TRAPPC9: variants seen among roughly 807,000 people sequenced by gnomAD.
TRAPPC9 encodes IKK2 binding protein.
In TRAPPC9, 83 loss-of-function variants were observed where a neutral mutation model predicts 124.0. That is an observed-to-expected ratio of 0.67 (90% CI 0.56 to 0.80). The LOEUF (loss-of-function observed/expected upper bound fraction) is 0.80. Ranked by LOEUF, TRAPPC9 falls within the 30% of genes least tolerant of loss-of-function variation. The pLI, the probability that TRAPPC9 is intolerant of heterozygous loss-of-function variation, is 0.00. For missense variants in TRAPPC9, 1,302 were observed against 1,508.3 expected (o/e 0.86, Z 2.27); for synonymous variants, 638 against 617.5 (o/e 1.03, Z -0.49).
Position 140,404,905 on chromosome 8 carries a change from CAT to C in TRAPPC9, c.1008+670_1008+671del, listed in dbSNP as rs1564002430. 3.4e-4 allele frequency among the ~76,000 whole-genome samples: 20 copies of C among 58,788 alleles called. No homozygotes were observed. The East Asian group carries it at 5.6e-3, about 17-fold the overall frequency. The allele number at this position is 58,788 out of a possible 152,430, so 38.6% of individuals were successfully genotyped here. A position where few individuals can be genotyped will look rare whatever the true frequency, so the allele number is the denominator to read the frequency against. ...GTGCATGTGTGCACGTGTGTGTGAG[CAT>C]GCGTGTGTGTGTGTGTGTGTGTGTG... is the stretch of plus-strand genomic sequence containing the variant. On this transcript the variant is annotated intron_variant, in intron 6 of 22. Coordinates refer to ENST00000438773, the MANE Select transcript of TRAPPC9 (RefSeq NM_001160372.4).
intron 4 of TRAPPC9, among the ~76,000 whole-genome samples, chr8:140,427,061 G>A (rs2070449772): frequency 6.6e-6 from 1 of 151,120 alleles, no homozygotes; most frequent in Non-Finnish European, 1.5e-5. Flanking sequence ...AAGTAGCTGG[G>A]ACTACAGGCG....
intron 17 of TRAPPC9, among the ~76,000 whole-genome samples, chr8:140,060,403 C>A (rs1842532200): frequency 6.6e-6 from 1 of 152,206 alleles, no homozygotes. Flanking sequence ...GTGGTGACCC[C>A]CAGAAGACTC....
At chr8:139,751,475 A>T (rs1024852822) in intron 21 of TRAPPC9, among the ~76,000 whole-genome samples, 6 of 151,994 alleles carry the variant, frequency 3.9e-5, no homozygotes, top group Non-Finnish European at 5.9e-5. Flanking sequence ...TGCTTCCAAT[A>T]CTAGCTTGTG....
chr8:140,448,234 T>C (rs1391921272), intron 2 of TRAPPC9, among the ~76,000 whole-genome samples: 1 of 152,114 alleles, frequency 6.6e-6, no homozygotes, highest in Non-Finnish European at 1.5e-5. Context: ...TGTATTTGAT[T>C]TGAGTTCACT....
intron 17 of TRAPPC9, among the ~76,000 whole-genome samples, chr8:140,093,496 A>G (rs532529852): frequency 3.3e-5 from 5 of 152,198 alleles, no homozygotes; most frequent in African/African-American, 9.6e-5. Flanking sequence ...GGTGAACCCC[A>G]TCTCTACCAA....
intron 6 of TRAPPC9, among the ~76,000 whole-genome samples, chr8:140,400,209 C>T (rs1336886786): frequency 1.3e-5 from 2 of 152,208 alleles, no homozygotes; most frequent in African/African-American, 2.4e-5. Flanking sequence ...TGGACTAATA[C>T]ACCTCCCCAC....
intron 21 of TRAPPC9, among the ~76,000 whole-genome samples, chr8:139,794,644 G>C (rs543849800): frequency 4.3e-4 from 65 of 152,304 alleles, no homozygotes; most frequent in African/African-American, 1.5e-3. Flanking sequence ...CCATCCTCTT[G>C]GCTCCCGTTC....
intron 5 of TRAPPC9, among the ~76,000 whole-genome samples, chr8:140,421,511 C>T (rs543369446): frequency 2.6e-5 from 4 of 152,090 alleles, no homozygotes; most frequent in Non-Finnish European, 5.9e-5. Flanking sequence ...TTCTATACAT[C>T]TGAGAGATAT....
chr8:140,265,591 T>A (rs1184190695), intron 15 of TRAPPC9, among the ~76,000 whole-genome samples: 1 of 152,166 alleles, frequency 6.6e-6, no homozygotes, highest in Non-Finnish European at 1.5e-5. Flanking sequence ...CTCTGCAGAA[T>A]CCTACACAGT....
chr8:140,056,967 G>A (rs1474456783), intron 17 of TRAPPC9, among the ~76,000 whole-genome samples: 2 of 152,080 alleles, frequency 1.3e-5, no homozygotes, highest in Non-Finnish European at 2.9e-5. Context: ...ACTAACTACT[G>A]TAGTTAACTA....
chr8:139,792,325 A>G (rs567801601), intron 21 of TRAPPC9, among the ~76,000 whole-genome samples: 85 of 152,310 alleles, frequency 5.6e-4, no homozygotes, highest in Middle Eastern at 3.4e-3. Flanking sequence ...AGAATTATCC[A>G]GATGGCAGCA....
chr8:140,381,823 A>G (rs1023654472), intron 7 of TRAPPC9, among the ~76,000 whole-genome samples: 2 of 152,232 alleles, frequency 1.3e-5, no homozygotes, highest in Non-Finnish European at 2.9e-5. Flanking sequence ...TAATGAGGAT[A>G]TAGAGAAACT....
intron 21 of TRAPPC9, among the ~76,000 whole-genome samples, chr8:139,737,474 C>CCCCCT (rs1554633766): frequency 7.9e-6 from 1 of 125,926 alleles, no homozygotes; most frequent in Admixed American, 7.5e-5. Context: ...CCTCCCCCCC[C>CCCCCT]CCCCACGGAA....
chr8:139,915,141 C>T (rs1832034870), intron 19 of TRAPPC9, among the ~76,000 whole-genome samples: 1 of 148,556 alleles, frequency 6.7e-6, no homozygotes, highest in South Asian at 2.2e-4. Flanking sequence ...TTTGGGCGGG[C>T]TCCTGGAGGG....
At chr8:140,422,204 G>A (rs1164393357) in intron 5 of TRAPPC9, among the ~76,000 whole-genome samples, 1 of 151,330 alleles carries the variant, frequency 6.6e-6, no homozygotes, top group African/African-American at 2.4e-5. Flanking sequence ...ATAGACTAGG[G>A]ATAACAACAG....
At chr8:139,904,517 G>T (rs1463884491) in intron 20 of TRAPPC9, 1 of 152,276 alleles carries the variant, frequency 6.6e-6, no homozygotes, top group Non-Finnish European at 1.5e-5. Context: ...TCCAGGGCCA[G>T]AAGCTATGTC....
Position 140,008,608 on chromosome 8 carries a change from T to C in TRAPPC9, c.2699+15329A>G, listed in dbSNP as rs1014083356. ...ACCCAGCCTGGCTTGATGCTGCGCA[T>C]GCGCTGGACAAACAGCAGGCACAGG... On this transcript the variant is annotated intron_variant, in intron 18 of 22. Transcript: ENST00000438773. 5 of 152,292 alleles carry C rather than the reference T, an allele frequency of 3.3e-5. No homozygotes were observed. In the East Asian group the frequency reaches 9.6e-4, roughly 29 times the overall value. 9.4% of individuals were successfully genotyped at this position (152,292 alleles called of 1,614,324 possible).
intron 17 of TRAPPC9, among the ~76,000 whole-genome samples, chr8:140,172,553 A>G (rs1587853677): frequency 6.6e-6 from 1 of 151,970 alleles, no homozygotes; most frequent in Non-Finnish European, 1.5e-5. Context: ...AGGGGGTTAA[A>G]CTACCTCTGG....
chr8:139,757,512 G>A (rs906620021), intron 21 of TRAPPC9, among the ~76,000 whole-genome samples: 2 of 151,972 alleles, frequency 1.3e-5, no homozygotes, highest in Non-Finnish European at 2.9e-5. Context: ...GATCACAGGA[G>A]GAGCCAGGGT....
Sources: gnomAD v4.1 joint callset for allele counts (sites outside exome capture counted in the v4.1 genomes callset) on GRCh38, gnomAD v4.1.1 for gene constraint, MANE v1.5 for transcripts, NCBI Gene and HGNC (gene_info 2026-07-23, HGNC 2026-07-21) for gene names.